The following C12orf42 variants were observed in gnomAD, a reference collection of about 807,000 sequenced individuals.
C12orf42 encodes chromosome 12 open reading frame 42.
A neutral mutation model predicts 21.6 loss-of-function variants in C12orf42; 25 were observed. The observed-to-expected ratio is 1.16, with a 90% confidence interval of 0.84 to 1.62. C12orf42 has a LOEUF of 1.62. Ranked by LOEUF, C12orf42 falls within the 40% of genes most tolerant of loss-of-function variation. C12orf42 has a pLI of 0.00. For synonymous variants in C12orf42, 174 were observed against 175.0 expected (o/e 0.99, Z 0.05); for missense variants, 483 against 459.3 (o/e 1.05, Z -0.47).
chr12:103,434,758 G>T (rs1371287810), intron 2 of C12orf42, among the ~76,000 whole-genome samples: 1 of 152,164 alleles, frequency 6.6e-6, no homozygotes, highest in Admixed American at 6.5e-5. Context: ...CTACGCCCAC[G>T]GACTCTTGCT....
intron 2 of C12orf42, among the ~76,000 whole-genome samples, chr12:103,447,964 CA>C (rs1951683131): frequency 6.6e-6 from 1 of 151,764 alleles, no homozygotes; most frequent in Admixed American, 6.6e-5. Context: ...CATGTGGAAC[CA>C]AAAAAGAGCC....
chr12:103,404,807 GA>G (rs1162064480), intron 2 of C12orf42, among the ~76,000 whole-genome samples: 1 of 152,186 alleles, frequency 6.6e-6, no homozygotes, highest in East Asian at 1.9e-4. Flanking sequence ...TTAAAGGAGG[GA>G]AAAAAAGCCT....
chr12:103,156,943 A>C, the C12orf42 span, among the ~76,000 whole-genome samples: 7 of 152,218 alleles, frequency 4.6e-5, no homozygotes, highest in East Asian at 1.4e-3. Flanking sequence ...ATATATGTGC[A>C]TGTGCCTTTA....
chr12:103,120,306 T>G, the C12orf42 span, among the ~76,000 whole-genome samples: 7 of 152,186 alleles, frequency 4.6e-5, no homozygotes, highest in Admixed American at 3.9e-4. Context: ...TACTTCTGCA[T>G]GTGAGCATTG....
At chr12:103,350,019 T>C (rs2137432530) in intron 4 of C12orf42, among the ~76,000 whole-genome samples, 1 of 152,246 alleles carries the variant, frequency 6.6e-6, no homozygotes, top group South Asian at 2.1e-4. Flanking sequence ...GTTAAATGTA[T>C]TTGGGAAAAG....
At chr12:103,238,178 GC>G (rs2136157489) in intron 10 of C12orf42, among the ~76,000 whole-genome samples, 1 of 152,164 alleles carries the variant, frequency 6.6e-6, no homozygotes, top group East Asian at 1.9e-4. Context: ...GACAAACATG[GC>G]CATGGCTTGA....
At chr12:103,284,376 G>A (rs902740452) in intron 4 of C12orf42, among the ~76,000 whole-genome samples, 5 of 152,096 alleles carry the variant, frequency 3.3e-5, no homozygotes, top group Admixed American at 6.6e-5. Context: ...AGAAACATTC[G>A]ATAATCATTC....
At chr12:103,546,894 C>T in the C12orf42 span, among the ~76,000 whole-genome samples, 36 of 152,292 alleles carry the variant, frequency 2.4e-4, no homozygotes, top group African/African-American at 7.9e-4. Flanking sequence ...GACACAGGGA[C>T]ACGGAGATGA....
At chr12:103,052,441 T>C in the C12orf42 span, among the ~76,000 whole-genome samples, 2 of 152,152 alleles carry the variant, frequency 1.3e-5, no homozygotes, top group Admixed American at 1.3e-4. Flanking sequence ...TTTAATAGCT[T>C]TGTATATTTT....
chr12:103,286,004 G>C (rs1055877813), intron 4 of C12orf42, among the ~76,000 whole-genome samples: 1 of 151,966 alleles, frequency 6.6e-6, no homozygotes, highest in African/African-American at 2.4e-5. Flanking sequence ...CCAGCACTTT[G>C]GGGGGGTGCC....
At chr12:103,447,452 C>A (rs1163746965) in intron 2 of C12orf42, among the ~76,000 whole-genome samples, 2 of 151,776 alleles carry the variant, frequency 1.3e-5, no homozygotes, top group African/African-American at 4.8e-5. Flanking sequence ...AGAAATCAGA[C>A]AACAAAAAGA....
chr12:103,561,261 T>C, the C12orf42 span, among the ~76,000 whole-genome samples: 48 of 152,314 alleles, frequency 3.2e-4, no homozygotes, highest in East Asian at 4.3e-3. Flanking sequence ...GCTTTGTGGA[T>C]TTTGTACATG....
At chr12:103,269,346 G>C (rs1032354869) in intron 6 of C12orf42, among the ~76,000 whole-genome samples, 1 of 152,086 alleles carries the variant, frequency 6.6e-6, no homozygotes, top group East Asian at 1.9e-4. Flanking sequence ...GGGAGCACCT[G>C]GGCTCAACTC....
the C12orf42 span, among the ~76,000 whole-genome samples, chr12:103,224,399 G>T: frequency 3.9e-5 from 6 of 152,208 alleles, no homozygotes; most frequent in Non-Finnish European, 2.9e-5. Flanking sequence ...TGCCTTTGCT[G>T]GTGTGTGGCG....
At chr12:103,129,289 G>T in the C12orf42 span, among the ~76,000 whole-genome samples, 1 of 152,146 alleles carries the variant, frequency 6.6e-6, no homozygotes, top group Non-Finnish European at 1.5e-5. Flanking sequence ...AATGACTATT[G>T]ATTTTTTAAA....
At chr12:103,491,540 C>G (rs955528081) in intron 1 of C12orf42, among the ~76,000 whole-genome samples, 11 of 152,172 alleles carry the variant, frequency 7.2e-5, no homozygotes, top group African/African-American at 2.7e-4. Flanking sequence ...AAGGTTCCAC[C>G]TCTACACTCT....
At chr12:103,066,904 T>A in the C12orf42 span, among the ~76,000 whole-genome samples, 1 of 152,176 alleles carries the variant, frequency 6.6e-6, no homozygotes, top group Non-Finnish European at 1.5e-5. Flanking sequence ...CCACCCAGCC[T>A]CTTTACCCAA....
At chr12:103,423,249 G>A (rs913802170) in intron 2 of C12orf42, among the ~76,000 whole-genome samples, 19 of 152,302 alleles carry the variant, frequency 1.2e-4, no homozygotes, top group African/African-American at 4.6e-4. Context: ...GTGACAATTT[G>A]TGGGCCCTCC....
At chr12:103,302,878 T>C (rs77094933) in intron 5 of C12orf42, among the ~76,000 whole-genome samples, 5,889 of 152,114 alleles carry the variant, frequency 0.039, 383 homozygotes, top group African/African-American at 0.13. Flanking sequence ...GAGAGAGACA[T>C]AGAAGAATCG....
Sources: allele counts gnomAD v4.1 joint callset (sites outside exome capture counted in the v4.1 genomes callset), GRCh38; gene constraint gnomAD v4.1.1; transcripts MANE v1.5; gene names NCBI Gene and HGNC (gene_info 2026-07-23, HGNC 2026-07-21).